Variants in NELL1 observed in about 807,000 individuals in gnomAD.
NELL1 encodes neural EGFL like 1.
Under a neutral mutation model 107.4 loss-of-function variants are expected in NELL1, and 76 were observed. The ratio of observed to expected loss-of-function variants is 0.71; its 90% CI spans 0.59 to 0.86. The LOEUF (loss-of-function observed/expected upper bound fraction) is 0.86, where lower values mean the gene tolerates loss of function less well. Ranked by LOEUF, NELL1 falls within the 40% of genes least tolerant of loss-of-function variation. The pLI is 0.00. For missense variants in NELL1, 1,024 were observed against 1,005.5 expected (o/e 1.02, Z -0.25); for synonymous variants, 353 against 341.2 (o/e 1.03, Z -0.38).
At chr11:20,890,123 G>A (rs907048531) in intron 5 of NELL1, among the ~76,000 whole-genome samples, 3 of 152,074 alleles carry the variant, frequency 2.0e-5, no homozygotes, top group African/African-American at 7.2e-5. Context: ...GGTGTCGTTC[G>A]AGGTCAGAGG....
intron 4 of NELL1, among the ~76,000 whole-genome samples, chr11:20,883,922 A>G (rs1207671444): frequency 6.6e-6 from 1 of 152,214 alleles, no homozygotes; most frequent in Non-Finnish European, 1.5e-5. Context: ...AGTTTTGACA[A>G]ATAGTTTCGT....
At chr11:21,523,099 G>A (rs184094939) in intron 15 of NELL1, among the ~76,000 whole-genome samples, 2 of 151,734 alleles carry the variant, frequency 1.3e-5, no homozygotes, top group African/African-American at 2.4e-5. Flanking sequence ...CGCCCGCCTC[G>A]GCATCCCAAA....
intron 15 of NELL1, among the ~76,000 whole-genome samples, chr11:21,422,675 G>A: frequency 6.6e-6 from 1 of 152,036 alleles, no homozygotes; most frequent in Non-Finnish European, 1.5e-5. Context: ...CCACAAAGTT[G>A]TTGTAGCATA....
At chr11:21,469,468 A>G (rs534899015) in intron 15 of NELL1, among the ~76,000 whole-genome samples, 9 of 152,150 alleles carry the variant, frequency 5.9e-5, no homozygotes, top group African/African-American at 2.2e-4. Context: ...TCATAATTTC[A>G]GGGGAAGTCA....
At chr11:20,847,175 T>C (rs979087560) in intron 3 of NELL1, among the ~76,000 whole-genome samples, 1 of 152,226 alleles carries the variant, frequency 6.6e-6, no homozygotes. Context: ...ATGACTTCCA[T>C]TTCCCTTTAA....
In NELL1 at chr11:21,113,701, C is replaced by T. The variant is rs1855160651; in HGVS notation, c.1413C>T (p.Asp471=). 6.2e-7 allele frequency: 1 copy of T among 1,611,572 alleles called. No homozygotes were observed. The highest frequency in any genetic ancestry group is 1.1e-5 in the South Asian group (1 of 90,928). The part of the protein sequence containing the change: ...DCVPGYIRVD[D]FSCTEHDECG... The stretch of plus-strand genomic sequence containing the variant: ...TCCCAGGATACATTCGTGTGGATGA[C>T]TTCTCTTGTACAGGTGAGCTTTAAG... The change falls in exon 13 of 20, where the codon GAC becomes GAT. Residue 471 remains aspartate (D), a synonymous_variant. Transcript: ENST00000357134.
At chr11:21,536,288 T>C (rs1361775085) in intron 16 of NELL1, among the ~76,000 whole-genome samples, 1 of 152,066 alleles carries the variant, frequency 6.6e-6, no homozygotes, top group Non-Finnish European at 1.5e-5. Flanking sequence ...GTCCTCAGTA[T>C]CTTTTGTTCC....
chr11:21,359,026 G>T (rs1851011288), intron 14 of NELL1, among the ~76,000 whole-genome samples: 1 of 152,048 alleles, frequency 6.6e-6, no homozygotes, highest in East Asian at 1.9e-4. Context: ...GAATAGAAGT[G>T]GTAAAACTGG....
intron 14 of NELL1, among the ~76,000 whole-genome samples, chr11:21,300,893 C>G (rs1006133810): frequency 1.3e-5 from 2 of 151,992 alleles, no homozygotes; most frequent in Non-Finnish European, 2.9e-5. Context: ...CTAATGCTAT[C>G]CCTCTCCCCA....
rs865778227 is a variant in NELL1 at position 21,527,328 on chromosome 11, C to T, written c.1646-7046C>T. On this transcript the variant is annotated intron_variant, in intron 15 of 19. Coordinates refer to ENST00000357134, the MANE Select transcript of NELL1 (RefSeq NM_006157.5). ...GTCTCTAGGAAGTTTCAAACTTTCC[C>T]GTATCTTCCTGTCTTCTGAGCATCC... Among the ~76,000 whole-genome samples, 10 of 152,216 alleles carry T rather than the reference C, an allele frequency of 6.6e-5. No individual in the cohort carries two copies. In the South Asian group the frequency reaches 1.5e-3, roughly 22 times the overall value.
chr11:20,914,817 C>T (rs1850209767), intron 5 of NELL1, among the ~76,000 whole-genome samples: 1 of 151,916 alleles, frequency 6.6e-6, no homozygotes, highest in Non-Finnish European at 1.5e-5. Context: ...GGTCATATGA[C>T]CAGGTAATCT....
At chr11:20,839,811 G>T (rs1848591001) in intron 3 of NELL1, among the ~76,000 whole-genome samples, 1 of 152,136 alleles carries the variant, frequency 6.6e-6, no homozygotes, top group African/African-American at 2.4e-5. Flanking sequence ...TCTGAATAAA[G>T]GAAACAGAAG....
chr11:20,769,852 G>A (rs1433202535), intron 2 of NELL1, among the ~76,000 whole-genome samples: 1 of 152,132 alleles, frequency 6.6e-6, no homozygotes, highest in East Asian at 1.9e-4. Context: ...GGTTGCACAA[G>A]GATGAACTTA....
At chr11:20,783,383 T>G (rs1195793399) in intron 2 of NELL1, among the ~76,000 whole-genome samples, 1 of 152,014 alleles carries the variant, frequency 6.6e-6, no homozygotes, top group South Asian at 2.1e-4. Context: ...GTCTGGCCAA[T>G]TGGGAACTTG....
intron 15 of NELL1, among the ~76,000 whole-genome samples, chr11:21,506,965 G>A (rs563328291): frequency 1.3e-5 from 2 of 152,242 alleles, no homozygotes; most frequent in Admixed American, 1.3e-4. Flanking sequence ...TATATTGGAT[G>A]CATATTATTT....
chr11:21,277,830 A>G (rs188186093), intron 14 of NELL1, among the ~76,000 whole-genome samples: 3 of 152,334 alleles, frequency 2.0e-5, no homozygotes, highest in African/African-American at 2.4e-5. Context: ...GTTCTCAGTC[A>G]TAGGTGGGAA....
At chr11:20,864,407 T>A (rs1849056740) in intron 4 of NELL1, among the ~76,000 whole-genome samples, 1 of 152,214 alleles carries the variant, frequency 6.6e-6, no homozygotes, top group Admixed American at 6.5e-5. Context: ...CTTGTGAACT[T>A]ACTCCTACAG....
At chr11:20,836,282 A>C (rs1178544752) in intron 3 of NELL1, among the ~76,000 whole-genome samples, 2 of 151,966 alleles carry the variant, frequency 1.3e-5, no homozygotes, top group Non-Finnish European at 2.9e-5. Context: ...AAAAAAAAAA[A>C]AAAACCCCAA....
At chr11:20,924,475 A>G (rs1488457345) in intron 7 of NELL1, among the ~76,000 whole-genome samples, 2 of 152,176 alleles carry the variant, frequency 1.3e-5, no homozygotes, top group African/African-American at 2.4e-5. Flanking sequence ...ATTAAAACTG[A>G]CATTTTCTTT....
Sources: gnomAD v4.1 joint callset for allele counts (sites outside exome capture counted in the v4.1 genomes callset) on GRCh38, gnomAD v4.1.1 for gene constraint, MANE v1.5 for transcripts, NCBI Gene and HGNC (gene_info 2026-07-23, HGNC 2026-07-21) for gene names.